DYNC2H1: variants seen among roughly 807,000 people sequenced by gnomAD.
DYNC2H1 encodes cytoplasmic dynein 2 heavy chain 1.
Under a neutral mutation model 570.0 loss-of-function variants are expected in DYNC2H1, and 410 were observed. That is an observed-to-expected ratio of 0.72 (90% confidence interval 0.66 to 0.78). The LOEUF (loss-of-function observed/expected upper bound fraction) is 0.78, where lower values mean the gene tolerates loss of function less well. Ranked by LOEUF, DYNC2H1 falls within the 30% of genes least tolerant of loss-of-function variation. DYNC2H1 has a pLI of 0.00. For missense variants in DYNC2H1, 4,865 were observed against 5,046.4 expected, an observed-to-expected ratio of 0.96 and a Z score of 1.09; for synonymous variants, 1,688 against 1,677.6, an observed-to-expected ratio of 1.01 and a Z score of -0.15.
chr11:103,261,640 G>A lies in DYNC2H1; in HGVS notation c.10695+1663G>A, dbSNP rs1426815567. On this transcript the variant is annotated intron_variant, in intron 70 of 88. Coordinates refer to ENST00000375735, the MANE Select transcript of DYNC2H1 (RefSeq NM_001377.3). The surrounding 1 kb of genome is among the most constrained non-coding windows in gnomAD (Gnocchi z 4.8). ...TAGAAGGAAAACTAACAAACAGAAA[G>A]GAATAGCATCAACATCAACAAAAAG... Among the ~76,000 whole-genome samples, 1 of 152,088 alleles carries A rather than the reference G, an allele frequency of 6.6e-6. No homozygotes were observed. Among genetic ancestry groups the A allele is most frequent in the Non-Finnish European group, 1.5e-5 (1 of 68,020 alleles).
At chr11:103,385,120 G>A (rs181712270) in intron 83 of DYNC2H1, among the ~76,000 whole-genome samples, 1 of 152,100 alleles carries the variant, frequency 6.6e-6, no homozygotes, top group Admixed American at 6.5e-5. Flanking sequence ...TTATACTGTT[G>A]AGATTGGGTA....
intron 82 of DYNC2H1, among the ~76,000 whole-genome samples, chr11:103,344,610 A>G (rs992132669): frequency 6.6e-6 from 1 of 152,136 alleles, no homozygotes; most frequent in African/African-American, 2.4e-5. Context: ...ATGTTACCTT[A>G]CCAAACAGAC....
chr11:103,323,680 A>T (rs766190865), intron 81 of DYNC2H1, among the ~76,000 whole-genome samples: 1 of 152,134 alleles, frequency 6.6e-6, no homozygotes, highest in African/African-American at 2.4e-5. Context: ...AGAAAATATA[A>T]TATCAAATAA....
chr11:103,211,923 A>C lies in DYNC2H1; in HGVS notation c.8674A>C (p.Lys2892Gln), dbSNP rs750739414. ...ISSSKKKELLKRQSHLQAGVS... is the reference protein window; with the variant it reads ...ISSSKKKELLQRQSHLQAGVS... ...TAGTAGCAAGAAAAAGGAATTATTA[A>C]AAAGACAAAGTCATTTGCAGGTATA... The change falls in exon 54 of 89, where the codon AAA becomes CAA. Residue 2892 changes from lysine to glutamine, a missense_variant. This residue lies in a region of DYNC2H1 where 2,401 missense variants were observed against 2,454.6 expected (regional missense o/e 0.98). Transcript: ENST00000375735. 4.6e-6 allele frequency: 7 copies of C among 1,532,892 alleles called. No individual in the cohort carries two copies. In the Admixed American group the frequency reaches 1.4e-4, roughly 31 times the overall value. The allele number at this position is 1,532,892 out of a possible 1,614,324, so 95.0% of individuals were successfully genotyped here.
chr11:103,366,023 G>A (rs181279553), intron 83 of DYNC2H1, among the ~76,000 whole-genome samples: 1 of 152,326 alleles, frequency 6.6e-6, no homozygotes, highest in East Asian at 1.9e-4. Flanking sequence ...CATTAAACAT[G>A]TTTAAACTTC....
intron 83 of DYNC2H1, among the ~76,000 whole-genome samples, chr11:103,379,956 TATTTG>T (rs932661131): frequency 7.2e-5 from 11 of 152,216 alleles, no homozygotes; most frequent in Admixed American, 3.9e-4. Flanking sequence ...AAACAGGAAT[TATTTG>T]GGGAGAATTT....
chr11:103,200,278 C>A (rs1223517019), intron 50 of DYNC2H1, 124 bp downstream of exon 50: 2 of 673,152 alleles, frequency 3.0e-6, no homozygotes, highest in Non-Finnish European at 5.0e-6. Flanking sequence ...ACTTAGGAGA[C>A]ATGGTGTTAA....
chr11:103,313,253 G>T (rs1171003353), intron 79 of DYNC2H1, among the ~76,000 whole-genome samples: 1 of 152,142 alleles, frequency 6.6e-6, no homozygotes, highest in African/African-American at 2.4e-5. Context: ...CTTCAGTCAT[G>T]CTGGGCTTTT....
rs1945013014 is a variant in DYNC2H1 at position 103,461,591 on chromosome 11, AG to A, written c.12648+5236del. ...AGAGGATTGCCCTAGCAACACTTCG[AG>A]TGCTCAGTAGCCATATGCGGTATAG... is the stretch of plus-strand genomic sequence containing the variant. On this transcript the variant is annotated intron_variant, in intron 87 of 88. Coordinates refer to ENST00000375735, the MANE Select transcript of DYNC2H1 (RefSeq NM_001377.3). This position sits in a 1 kb window ranked among gnomAD's most constrained non-coding sequence, Gnocchi z 4.8. Among the ~76,000 whole-genome samples, 1 of 152,186 alleles carries A rather than the reference AG, an allele frequency of 6.6e-6. No homozygotes were observed.
chr11:103,169,156 T>G (rs1245949224), intron 32 of DYNC2H1, among the ~76,000 whole-genome samples, 196 bp downstream of exon 32: 1 of 152,094 alleles, frequency 6.6e-6, no homozygotes. Context: ...TACAAAAAAG[T>G]TAAAATATTG....
chr11:103,411,846 A>T (rs1943102541), intron 84 of DYNC2H1, among the ~76,000 whole-genome samples: 1 of 152,118 alleles, frequency 6.6e-6, no homozygotes, highest in African/African-American at 2.4e-5. Context: ...TTATACTTTG[A>T]ATTAAGAAAT....
intron 85 of DYNC2H1, among the ~76,000 whole-genome samples, chr11:103,443,413 G>T (rs1026533712): frequency 1.3e-5 from 2 of 151,584 alleles, no homozygotes; most frequent in Admixed American, 6.6e-5. Context: ...ACTTTGGGCT[G>T]TATATTATAT....
chr11:103,291,817 C>A (rs1404932670), intron 75 of DYNC2H1, among the ~76,000 whole-genome samples: 1 of 152,142 alleles, frequency 6.6e-6, no homozygotes, highest in African/African-American at 2.4e-5. Flanking sequence ...CTTTGTTGGT[C>A]TCTTTCTATA....
intron 85 of DYNC2H1, among the ~76,000 whole-genome samples, chr11:103,447,161 A>G (rs571380104): frequency 4.6e-5 from 7 of 152,308 alleles, no homozygotes; most frequent in African/African-American, 1.7e-4. Flanking sequence ...GTTCTACTGA[A>G]AAATGGTACT....
intron 39 of DYNC2H1, among the ~76,000 whole-genome samples, chr11:103,179,474 C>G (rs1366666036): frequency 1.3e-5 from 2 of 151,586 alleles, no homozygotes; most frequent in Admixed American, 6.6e-5. Flanking sequence ...AATGAAACAG[C>G]AAGAAAATTT....
intron 19 of DYNC2H1, 34 bp from the exon 20 acceptor site, chr11:103,148,456 T>A: frequency 6.5e-7 from 1 of 1,536,964 alleles, no homozygotes; most frequent in Non-Finnish European, 8.8e-7. Context: ...ATGGTAATAA[T>A]TAACATTTCT....
In DYNC2H1 at chr11:103,155,421, G is replaced by A. The variant is rs1321173471; in HGVS notation, c.3664G>A (p.Gly1222Arg). The A allele has an allele frequency of 1.2e-6, 2 of 1,612,408 alleles. No homozygotes were observed. Among genetic ancestry groups the A allele is most frequent in the East Asian group, 4.5e-5 (2 of 44,794 alleles). ...DLFRLLGLPR[G>R]TSLEKLLFGD... ...TTTTCGTCTCCTTGGACTTCCTAGG[G>A]GGACTAGTCTAGAGAAACTACTGTT... Residue 1222 changes from glycine (G) to arginine (R), a missense_variant, in exon 25 of 89, where the codon GGG becomes AGG. Physicochemically the swap from Gly to Arg is moderately radical, Grantham distance 125 (BLOSUM62 -2). Transcript: ENST00000375735.
Position 103,233,840 on chromosome 11 carries a change from G to A in DYNC2H1, c.9441-194G>A, listed in dbSNP as rs945576024. Among the ~76,000 whole-genome samples the A allele has an allele frequency of 0.024, 1,994 of 81,526 alleles. 75 individuals carry two copies. Among genetic ancestry groups the A allele is most frequent in the African/African-American group, 0.072 (1,878 of 25,952 alleles). 53.5% of individuals were successfully genotyped at this position (81,526 alleles called of 152,430 possible). ...AGAATGCTACACTTTATGTGTGTGT[G>A]TGTGTGTGTGTGTGTGTGTGTGTGT... On this transcript the variant is annotated intron_variant, in intron 60 of 88. Transcript: ENST00000375735.
chr11:103,447,770 CT>C (rs1345716356), intron 85 of DYNC2H1, among the ~76,000 whole-genome samples: 2 of 152,006 alleles, frequency 1.3e-5, no homozygotes, highest in African/African-American at 4.8e-5. Flanking sequence ...TGTTTTGTTT[CT>C]TGTGGGTATC....
Sources: allele counts gnomAD v4.1 joint callset (sites outside exome capture counted in the v4.1 genomes callset), GRCh38; gene constraint gnomAD v4.1.1; regional missense constraint gnomAD v4.1.1; non-coding constraint Gnocchi (gnomAD v3.1); transcripts MANE v1.5; gene names NCBI Gene and HGNC (gene_info 2026-07-23, HGNC 2026-07-21).